The following BICC1 variants were observed in gnomAD, a reference collection of about 807,000 sequenced individuals.
The protein encoded by BICC1 is BicC family RNA binding protein 1.
BICC1 carries 43 observed loss-of-function variants against 111.0 expected under a neutral mutation model. That is an observed-to-expected ratio of 0.39 (90% confidence interval 0.30 to 0.50). The LOEUF (loss-of-function observed/expected upper bound fraction) is 0.50, where lower values mean the gene tolerates loss of function less well. Ranked by LOEUF, BICC1 falls within the 20% of genes least tolerant of loss-of-function variation. The pLI is 0.88. For synonymous variants in BICC1, 467 were observed against 434.4 expected, an observed-to-expected ratio of 1.07 and a Z score of -0.93; for missense variants, 1,091 against 1,203.2, an observed-to-expected ratio of 0.91 and a Z score of 1.38.
At chr10:58,765,135 T>C (rs1369716032) in intron 3 of BICC1, among the ~76,000 whole-genome samples, 1 of 152,156 alleles carries the variant, frequency 6.6e-6, no homozygotes, top group African/African-American at 2.4e-5. Flanking sequence ...CAGGCTGGAG[T>C]GCAGTGGTGC....
At chr10:58,614,048 A>G (rs931490827) in intron 1 of BICC1, among the ~76,000 whole-genome samples, 2 of 152,072 alleles carry the variant, frequency 1.3e-5, no homozygotes, top group Admixed American at 6.6e-5. Context: ...CTTTTCCCCA[A>G]TCTCTCACTT....
chr10:58,635,447 C>G (rs766533997), intron 2 of BICC1, among the ~76,000 whole-genome samples: 4 of 152,118 alleles, frequency 2.6e-5, no homozygotes, highest in Non-Finnish European at 5.9e-5. Context: ...TTTTCATTTA[C>G]TGAGATCTGT....
At chr10:58,827,107 G>C (rs140433458) in intron 20 of BICC1, among the ~76,000 whole-genome samples, 1 of 152,148 alleles carries the variant, frequency 6.6e-6, no homozygotes, top group African/African-American at 2.4e-5. Flanking sequence ...CATCAGAGTC[G>C]TCAAACTAGT....
At chr10:58,792,739 A>G (rs1245658232) in intron 8 of BICC1, among the ~76,000 whole-genome samples, 1 of 152,168 alleles carries the variant, frequency 6.6e-6, no homozygotes, top group Admixed American at 6.5e-5. Flanking sequence ...CTGATTTTAC[A>G]TTATGGTGAG....
At chr10:58,746,850 A>G (rs1841849136) in intron 3 of BICC1, among the ~76,000 whole-genome samples, 1 of 152,188 alleles carries the variant, frequency 6.6e-6, no homozygotes, top group Non-Finnish European at 1.5e-5. Flanking sequence ...AAGTCAGCTG[A>G]TATGTCAACA....
Position 58,513,317 on chromosome 10 carries a change from T to C in BICC1, c.174T>C (p.Leu58=). 1 of 1,607,452 alleles carries C rather than the reference T, an allele frequency of 6.2e-7. No homozygotes were observed. Among genetic ancestry groups the C allele is most frequent in the Non-Finnish European group, 8.5e-7 (1 of 1,176,026 alleles). The change falls in exon 1 of 21, where the codon CTT becomes CTC. Residue 58 remains leucine (L), a synonymous_variant. Coordinates refer to ENST00000373886, the MANE Select transcript of BICC1 (RefSeq NM_001080512.3). The part of the protein sequence containing the change: ...EERFRVDRKK[L]EAMLQAAAEG... The stretch of plus-strand genomic sequence containing the variant: ...GCTTCCGCGTGGACAGGAAGAAACT[T>C]GAGGCCATGTTACAAGGTAGGCATC...
chr10:58,657,163 G>A (rs1248527886), intron 2 of BICC1, among the ~76,000 whole-genome samples: 1 of 152,054 alleles, frequency 6.6e-6, no homozygotes, highest in African/African-American at 2.4e-5. Context: ...TTGCCTGGGC[G>A]AGATGCATTA....
chr10:58,609,083 A>G (rs928222511), intron 1 of BICC1, among the ~76,000 whole-genome samples: 13 of 152,266 alleles, frequency 8.5e-5, no homozygotes, highest in African/African-American at 3.1e-4. Flanking sequence ...TATTACAAAT[A>G]CAAAAGAAAT....
intron 20 of BICC1, among the ~76,000 whole-genome samples, chr10:58,824,369 A>G (rs115562589): frequency 0.011 from 1,657 of 152,350 alleles, 29 homozygotes; most frequent in African/African-American, 0.037. Context: ...TTGTCATACA[A>G]TAAGGCTAAT....
At chr10:58,527,968 A>G (rs1300608030) in intron 1 of BICC1, among the ~76,000 whole-genome samples, 1 of 151,934 alleles carries the variant, frequency 6.6e-6, no homozygotes, top group Non-Finnish European at 1.5e-5. Context: ...GGGTTATGAT[A>G]ACATTTGTAA....
At chr10:58,720,742 G>A (rs907591447) in intron 3 of BICC1, among the ~76,000 whole-genome samples, 5 of 152,202 alleles carry the variant, frequency 3.3e-5, no homozygotes, top group African/African-American at 1.2e-4. Context: ...TGAAAATCCC[G>A]GGGTTCGGGG....
At chr10:58,793,114 G>A (rs897754386) in intron 8 of BICC1, among the ~76,000 whole-genome samples, 3 of 152,178 alleles carry the variant, frequency 2.0e-5, no homozygotes, top group Non-Finnish European at 2.9e-5. Context: ...GCTGCCACTG[G>A]AAGTCATTGA....
chr10:58,669,987 TTA>T (rs1839133313), intron 2 of BICC1, among the ~76,000 whole-genome samples: 1 of 152,164 alleles, frequency 6.6e-6, no homozygotes, highest in Admixed American at 6.6e-5. Flanking sequence ...TGTGCTCTGT[TTA>T]TGTTATTGTA....
intron 1 of BICC1, among the ~76,000 whole-genome samples, chr10:58,576,156 A>G (rs111856678): frequency 6.6e-6 from 1 of 152,130 alleles, no homozygotes; most frequent in Admixed American, 6.6e-5. Context: ...CCCTCCATGG[A>G]GGTCAAAGCA....
At chr10:58,567,672 A>G (rs1843811640) in intron 1 of BICC1, among the ~76,000 whole-genome samples, 1 of 151,958 alleles carries the variant, frequency 6.6e-6, no homozygotes, top group African/African-American at 2.4e-5. Context: ...TGTGCCTGTA[A>G]TTGCATAGCT....
chr10:58,612,081 T>C (rs1845443456), intron 1 of BICC1, among the ~76,000 whole-genome samples: 1 of 152,226 alleles, frequency 6.6e-6, no homozygotes, highest in African/African-American at 2.4e-5. Flanking sequence ...CTCACACTTA[T>C]GAGATACAGC....
At chr10:58,547,185 G>A (rs1448981336) in intron 1 of BICC1, among the ~76,000 whole-genome samples, 1 of 152,012 alleles carries the variant, frequency 6.6e-6, no homozygotes. Context: ...TTTCCTTAGT[G>A]TTTACCTGCT....
chr10:58,620,711 A>C, intron 1 of BICC1, 144 bp from the exon 2 acceptor site: 1 of 644,762 alleles, frequency 1.6e-6, no homozygotes, highest in South Asian at 1.9e-5. Flanking sequence ...TTTGCATCCC[A>C]GTGAGGCATA....
intron 3 of BICC1, among the ~76,000 whole-genome samples, chr10:58,778,230 ATTAAT>A (rs887916583): frequency 4.9e-4 from 74 of 152,222 alleles, no homozygotes; most frequent in African/African-American, 1.5e-3. Context: ...TAATTAATTA[ATTAAT>A]TTAATTTAAT....
Sources: gnomAD v4.1 joint callset for allele counts (sites outside exome capture counted in the v4.1 genomes callset) on GRCh38, gnomAD v4.1.1 for gene constraint, MANE v1.5 for transcripts, NCBI Gene and HGNC (gene_info 2026-07-23, HGNC 2026-07-21) for gene names.